CFH: variants seen among roughly 807,000 people sequenced by gnomAD.
CFH encodes the protein complement factor H.
Under a neutral mutation model 147.3 loss-of-function variants are expected in CFH, and 53 were observed. The observed-to-expected ratio is 0.36, with a 90% CI of 0.29 to 0.45. The LOEUF (loss-of-function observed/expected upper bound fraction) is 0.45, where lower values mean the gene tolerates loss of function less well. Among genes scored for constraint, CFH ranks in the 20% least tolerant of loss-of-function variants. The pLI is 1.00. For missense variants in CFH, 1,380 were observed against 1,498.0 expected (o/e 0.92, Z 1.30); for synonymous variants, 536 against 489.4 (o/e 1.10, Z -1.26).
At chr1:196,716,138 GT>G (rs1166921702) in intron 11 of CFH, among the ~76,000 whole-genome samples, 1 of 151,970 alleles carries the variant, frequency 6.6e-6, no homozygotes, top group African/African-American at 2.4e-5. Context: ...TATCTTGTGT[GT>G]TAATTTCTGT....
chr1:196,726,655 A>G lies in CFH; in HGVS notation c.2056+3A>G. 6.2e-7 allele frequency: 1 copy of G among 1,607,342 alleles called. No individual in the cohort carries two copies. The highest frequency in any genetic ancestry group is 2.2e-5 in the East Asian group (1 of 44,698). ...GACAACTTTACCAGTGTGTATTGGTAATGTATAAAATATTAATATTTAAAC... is the reference window on the plus strand; with the variant it reads ...GACAACTTTACCAGTGTGTATTGGTGATGTATAAAATATTAATATTTAAAC... On this transcript the variant is annotated splice_donor_region_variant and intron_variant, in intron 13 of 21. Coordinates refer to ENST00000367429, the MANE Select transcript of CFH (RefSeq NM_000186.4).
intron 9 of CFH, among the ~76,000 whole-genome samples, chr1:196,711,276 T>A (rs1313260269): frequency 6.6e-6 from 1 of 152,146 alleles, no homozygotes; most frequent in African/African-American, 2.4e-5. Context: ...GTTATTGAAG[T>A]GGAACACCGT....
intron 9 of CFH, among the ~76,000 whole-genome samples, chr1:196,692,824 C>T (rs1440073871): frequency 3.3e-4 from 24 of 72,578 alleles, no homozygotes; most frequent in Admixed American, 6.0e-4. Flanking sequence ...CTTTCTTTCT[C>T]TTTCCTTCTT....
intron 2 of CFH, chr1:196,673,496 C>T: frequency 2.7e-6 from 1 of 372,226 alleles, no homozygotes; most frequent in Non-Finnish European, 5.0e-6. Context: ...GCCACCACGC[C>T]CGGCTAATTT....
chr1:196,677,834 T>G, intron 5 of CFH, 167 bp downstream of exon 5: 1 of 646,120 alleles, frequency 1.5e-6, no homozygotes. Context: ...CATCATTTCA[T>G]TTTAACTTTC....
At position 196,740,657 on chromosome 1, in the gene CFH, G is replaced by T. The variant is rs529491401; in HGVS notation, c.2821G>T (p.Val941Phe). 350 of 1,613,712 alleles carry T rather than the reference G, an allele frequency of 2.2e-4. 2 individuals are homozygous for T. The South Asian group carries it at 3.6e-3, about 17-fold the overall frequency. Reference protein sequence around the residue: ...CKSPPEISHGVVAHMSDSYQY... With the variant: ...CKSPPEISHGFVAHMSDSYQY... ...ATCTCCACCTGAGATTTCTCATGGT[G>T]TTGTAGCTCACATGTCAGACAGTTA... Residue 941 changes from valine to phenylalanine, a missense_variant, in exon 18 of 22, where the codon GTT becomes TTT. Physicochemically the swap from Val to Phe is conservative, Grantham distance 50. Coordinates refer to ENST00000367429, the MANE Select transcript of CFH (RefSeq NM_000186.4).
intron 9 of CFH, chr1:196,692,376 A>G: frequency 1.2e-6 from 1 of 835,492 alleles, no homozygotes; most frequent in Non-Finnish European, 1.4e-6. Context: ...TTCTTCACAG[A>G]TTAATTGAGG....
At chr1:196,697,489 TAAAAAGTC>T (rs1456511878) in intron 9 of CFH, among the ~76,000 whole-genome samples, 1 of 152,082 alleles carries the variant, frequency 6.6e-6, no homozygotes, top group Non-Finnish European at 1.5e-5. Context: ...TGGCGATCAT[TAAAAAGTC>T]AGGAAACAAC....
chr1:196,733,593 C>T (rs1291961212), intron 15 of CFH, among the ~76,000 whole-genome samples: 1 of 151,992 alleles, frequency 6.6e-6, no homozygotes, highest in Non-Finnish European at 1.5e-5. Flanking sequence ...GAAGTGCTTA[C>T]ACACCCATAT....
intron 1 of CFH, among the ~76,000 whole-genome samples, chr1:196,661,278 A>G (rs1666893383): frequency 6.6e-6 from 1 of 152,228 alleles, no homozygotes; most frequent in South Asian, 2.1e-4. Flanking sequence ...ATAATTTTAT[A>G]TGGTGTTTTC....
chr1:196,743,911 C>A (rs1216987252), intron 20 of CFH, among the ~76,000 whole-genome samples: 1 of 152,034 alleles, frequency 6.6e-6, no homozygotes, highest in Admixed American at 6.5e-5. Flanking sequence ...ATAAAAGATA[C>A]ATTATGTGCA....
At chr1:196,695,309 A>T (rs1205866841) in intron 9 of CFH, among the ~76,000 whole-genome samples, 2 of 152,116 alleles carry the variant, frequency 1.3e-5, no homozygotes, top group African/African-American at 4.8e-5. Context: ...TGAAGATCAA[A>T]TGGTTGTAGA....
At chr1:196,719,047 G>C (rs896132699) in intron 11 of CFH, among the ~76,000 whole-genome samples, 2 of 152,042 alleles carry the variant, frequency 1.3e-5, no homozygotes, top group Admixed American at 1.3e-4. Flanking sequence ...TGTTATTATG[G>C]AGCACTTAAG....
intron 11 of CFH, among the ~76,000 whole-genome samples, chr1:196,723,536 G>A (rs1182881394): frequency 6.6e-6 from 1 of 152,140 alleles, no homozygotes; most frequent in African/African-American, 2.4e-5. Context: ...CAGGACAGTA[G>A]GTGGCACGGA....
intron 1 of CFH, among the ~76,000 whole-genome samples, chr1:196,664,652 C>G (rs1667017836): frequency 6.6e-6 from 1 of 152,094 alleles, no homozygotes; most frequent in Non-Finnish European, 1.5e-5. Context: ...CTCACTATAA[C>G]AGAAAATATA....
chr1:196,729,134 CCTCA>C (rs1669222165), intron 15 of CFH, among the ~76,000 whole-genome samples: 1 of 151,950 alleles, frequency 6.6e-6, no homozygotes, highest in Non-Finnish European at 1.5e-5. Context: ...GGTTTCCTTG[CCTCA>C]CTAACTTCAA....
At chr1:196,712,518 T>C (rs188378094) in intron 9 of CFH, among the ~76,000 whole-genome samples, 25 of 151,974 alleles carry the variant, frequency 1.6e-4, no homozygotes, top group Non-Finnish European at 2.2e-4. Flanking sequence ...ATGTTTCCTC[T>C]TCTGATTTTC....
chr1:196,662,061 C>G (rs1200581061), intron 1 of CFH, among the ~76,000 whole-genome samples: 1 of 152,144 alleles, frequency 6.6e-6, no homozygotes, highest in African/African-American at 2.4e-5. Flanking sequence ...TTCAGAGGAG[C>G]CTCAGCCCTA....
intron 9 of CFH, among the ~76,000 whole-genome samples, chr1:196,712,329 A>C (rs1245265108): frequency 6.6e-6 from 1 of 151,612 alleles, no homozygotes; most frequent in Non-Finnish European, 1.5e-5. Context: ...ATTTATACTC[A>C]TGCTGGATTT....
Sources: gnomAD v4.1 joint callset for allele counts (sites outside exome capture counted in the v4.1 genomes callset) on GRCh38, gnomAD v4.1.1 for gene constraint, MANE v1.5 for transcripts, NCBI Gene and HGNC (gene_info 2026-07-23, HGNC 2026-07-21) for gene names.